KCNIP4: variants seen among roughly 807,000 people sequenced by gnomAD.
KCNIP4 encodes Kv channel-interacting protein 4.
Under a neutral mutation model 34.0 loss-of-function variants are expected in KCNIP4, and 12 were observed. That is an observed-to-expected ratio of 0.35 (90% confidence interval 0.23 to 0.57). The LOEUF (loss-of-function observed/expected upper bound fraction) is 0.57. Ranked by LOEUF, KCNIP4 falls within the 20% of genes least tolerant of loss-of-function variation. The probability of loss-of-function intolerance (pLI) is 0.83; values close to 1 mark genes in which losing one functional copy is unlikely to be tolerated. For synonymous variants in KCNIP4, 124 were observed against 102.2 expected (o/e 1.21, Z -1.29); for missense variants, 238 against 311.7 (o/e 0.76, Z 1.78).
At chr4:20,764,891 C>T (rs142972901) in intron 3 of KCNIP4, among the ~76,000 whole-genome samples, 40 of 151,922 alleles carry the variant, frequency 2.6e-4, no homozygotes, top group African/African-American at 8.7e-4. Flanking sequence ...ACAATCACAG[C>T]GGTTTATTGA....
intron 1 of KCNIP4, among the ~76,000 whole-genome samples, chr4:21,093,091 C>T (rs1305334323): frequency 2.6e-5 from 4 of 152,188 alleles, no homozygotes; most frequent in African/African-American, 9.7e-5. Flanking sequence ...GCACAAATCA[C>T]TTGCTTCCCA....
intron 1 of KCNIP4, among the ~76,000 whole-genome samples, chr4:21,462,567 C>A (rs1729548670): frequency 6.6e-6 from 1 of 152,088 alleles, no homozygotes; most frequent in Admixed American, 6.6e-5. Flanking sequence ...ATCAACTACT[C>A]TTCCCAGCCC....
intron 1 of KCNIP4, among the ~76,000 whole-genome samples, chr4:21,528,778 AG>A (rs1271551566): frequency 1.8e-4 from 3 of 16,446 alleles, no homozygotes; most frequent in African/African-American, 4.8e-4. Flanking sequence ...AAAGAAAGAA[AG>A]GAAGAAAGGA....
chr4:21,655,413 C>T (rs1747842996), intron 1 of KCNIP4, among the ~76,000 whole-genome samples: 1 of 151,868 alleles, frequency 6.6e-6, no homozygotes, highest in Non-Finnish European at 1.5e-5. Flanking sequence ...CAGGGAGAGA[C>T]CACGAGTCTA....
At chr4:20,872,805 A>G (rs957139343) in intron 2 of KCNIP4, among the ~76,000 whole-genome samples, 1 of 152,166 alleles carries the variant, frequency 6.6e-6, no homozygotes, top group Non-Finnish European at 1.5e-5. Flanking sequence ...TGGGAAGCAA[A>G]AGACTTAATC....
At chr4:21,050,022 T>C (rs1742786556) in intron 1 of KCNIP4, among the ~76,000 whole-genome samples, 1 of 152,212 alleles carries the variant, frequency 6.6e-6, no homozygotes, top group African/African-American at 2.4e-5. Flanking sequence ...TACTCATTGG[T>C]TTAAAAGTGT....
chr4:21,368,877 A>G (rs1720060564), intron 1 of KCNIP4, among the ~76,000 whole-genome samples: 1 of 147,496 alleles, frequency 6.8e-6, no homozygotes, highest in Non-Finnish European at 1.5e-5. Flanking sequence ...AGGTGAAAGA[A>G]TAACAGGGCA....
At chr4:20,895,252 A>G (rs1726377190) in intron 1 of KCNIP4, among the ~76,000 whole-genome samples, 2 of 152,224 alleles carry the variant, frequency 1.3e-5, no homozygotes, top group South Asian at 2.1e-4. Context: ...TTCTTAACCC[A>G]TCTTGTCTTG....
At chr4:21,297,759 G>T (rs917166001) in intron 1 of KCNIP4, among the ~76,000 whole-genome samples, 2 of 142,784 alleles carry the variant, frequency 1.4e-5, no homozygotes, top group South Asian at 2.3e-4. Context: ...CATTTTTCTG[G>T]GTTCACTATA....
At chr4:21,042,689 A>C (rs929495261) in intron 1 of KCNIP4, among the ~76,000 whole-genome samples, 5 of 152,134 alleles carry the variant, frequency 3.3e-5, no homozygotes, top group African/African-American at 4.8e-5. Flanking sequence ...ACGTTTAGGA[A>C]TGATCTCATC....
chr4:20,956,546 T>G (rs1733327636), intron 1 of KCNIP4, among the ~76,000 whole-genome samples: 1 of 152,126 alleles, frequency 6.6e-6, no homozygotes. Context: ...TATTGCATAG[T>G]TATGGCTTTA....
intron 1 of KCNIP4, among the ~76,000 whole-genome samples, chr4:21,716,446 C>T (rs10029040): frequency 0.18 from 26,817 of 151,756 alleles, 3,452 homozygotes; most frequent in African/African-American, 0.37. Context: ...CAGTGTTGGC[C>T]ACGCTGGTCT....
intron 3 of KCNIP4, among the ~76,000 whole-genome samples, chr4:20,765,706 T>C (rs560889647): frequency 6.6e-5 from 10 of 152,310 alleles, no homozygotes; most frequent in Admixed American, 2.0e-4. Flanking sequence ...ATGATGACCA[T>C]TGCATTTCTT....
At chr4:21,136,805 T>A (rs192791527) in intron 1 of KCNIP4, among the ~76,000 whole-genome samples, 7 of 152,316 alleles carry the variant, frequency 4.6e-5, no homozygotes, top group Non-Finnish European at 1.0e-4. Flanking sequence ...ATATAAGGGT[T>A]GAGTCAGGAC....
At chr4:21,200,376 A>T (rs1756397729) in intron 1 of KCNIP4, among the ~76,000 whole-genome samples, 1 of 59,872 alleles carries the variant, frequency 1.7e-5, no homozygotes, top group Admixed American at 1.4e-4. Context: ...ACATACATAT[A>T]TGTGTGTATA....
intron 1 of KCNIP4, among the ~76,000 whole-genome samples, chr4:21,471,031 C>T (rs1210864698): frequency 1.3e-5 from 2 of 152,064 alleles, no homozygotes; most frequent in Non-Finnish European, 2.9e-5. Context: ...GCTCTCCCTA[C>T]CTCCAGGCTC....
chr4:20,827,230 C>T (rs1333888775), intron 3 of KCNIP4, among the ~76,000 whole-genome samples: 1 of 152,120 alleles, frequency 6.6e-6, no homozygotes, highest in Non-Finnish European at 1.5e-5. Context: ...AATTAATTTG[C>T]TAGGACTGCC....
rs541001400 is a variant in KCNIP4, at chr4:21,714,372, C to CA, written c.61+234198dup. Among the ~76,000 whole-genome samples the CA allele has an allele frequency of 3.5e-3, 530 of 152,132 alleles. 3 individuals carry two copies. Among genetic ancestry groups the CA allele is most frequent in the African/African-American group, 0.011 (444 of 41,518 alleles). On this transcript the variant is annotated intron_variant, in intron 1 of 8. Transcript: ENST00000382152. ...TTCTTTGAGAGAAGGCCACAGCAGT[C>CA]AGTCTTTCTACAGCATCGGCTACCT...
rs28884310 is a variant in KCNIP4, at chr4:20,852,970, A to G, written c.164-2303T>C. ...CTACAAAACACTGTTGAAAGAAACCATAAGTGACACAAACAAATGGAAACA... is the reference window on the plus strand; with the variant it reads ...CTACAAAACACTGTTGAAAGAAACCGTAAGTGACACAAACAAATGGAAACA... On this transcript the variant is annotated intron_variant, in intron 2 of 8. Transcript: ENST00000382152. Among the ~76,000 whole-genome samples, 1,414 of 152,336 alleles carry G rather than the reference A, an allele frequency of 9.3e-3. 20 individuals carry two copies. The highest frequency in any genetic ancestry group is 0.032 in the African/African-American group (1,336 of 41,580).
Sources: allele counts gnomAD v4.1 joint callset (sites outside exome capture counted in the v4.1 genomes callset), GRCh38; gene constraint gnomAD v4.1.1; transcripts MANE v1.5; gene names NCBI Gene and HGNC (gene_info 2026-07-23, HGNC 2026-07-21).